AMZ1: variants seen among roughly 807,000 people sequenced by gnomAD.
The protein encoded by AMZ1 is archaemetzincin-1.
A neutral mutation model predicts 29.9 loss-of-function variants in AMZ1; 39 were observed. The ratio of observed to expected loss-of-function variants is 1.30; its 90% CI spans 1.01 to 1.70. AMZ1 has a LOEUF of 1.70. AMZ1 is among the 40% of genes most tolerant of loss of function. The pLI, the probability that AMZ1 is intolerant of heterozygous loss-of-function variation, is 0.00. For synonymous variants in AMZ1, 458 were observed against 304.0 expected, an observed-to-expected ratio of 1.51 and a Z score of -5.27; for missense variants, 1,041 against 680.6, an observed-to-expected ratio of 1.53 and a Z score of -5.89.
intron 4 of AMZ1, among the ~76,000 whole-genome samples, chr7:2,748,926 G>T (rs1395828119): frequency 2.0e-5 from 3 of 152,154 alleles, no homozygotes; most frequent in Non-Finnish European, 4.4e-5. Context: ...ATCATCACTG[G>T]CCATCAGAGA....
chr7:2,725,569 C>T (rs548622467), intron 4 of AMZ1, among the ~76,000 whole-genome samples: 3 of 152,208 alleles, frequency 2.0e-5, no homozygotes, highest in Non-Finnish European at 4.4e-5. Context: ...GTCTCAGTGA[C>T]CTGAAGACTT....
chr7:2,692,741 C>A (rs1311160320), intron 1 of AMZ1, among the ~76,000 whole-genome samples: 1 of 152,144 alleles, frequency 6.6e-6, no homozygotes, highest in African/African-American at 2.4e-5. Flanking sequence ...GAGTACCCCA[C>A]CCCTTGGCCA....
intron 4 of AMZ1, among the ~76,000 whole-genome samples, chr7:2,753,408 G>T (rs537832489): frequency 6.1e-5 from 7 of 114,202 alleles, no homozygotes; most frequent in African/African-American, 2.2e-4. Context: ...AAAGTGCTGG[G>T]ATTACAGGTG....
rs28514648 is a variant in AMZ1, at chr7:2,700,870, C to T, written c.304+115C>T. The T allele has an allele frequency of 1.9e-3, 2,635 of 1,382,114 alleles. 40 individuals carry two copies. In the African/African-American group the frequency reaches 0.032, roughly 17 times the overall value. The allele number at this position is 1,382,114 out of a possible 1,614,324, so 85.6% of individuals were successfully genotyped here. A position where few individuals can be genotyped will look rare whatever the true frequency, so the allele number is the denominator to read the frequency against. On this transcript the variant is annotated intron_variant, in intron 2 of 6. Coordinates refer to ENST00000683327, the MANE Select transcript of AMZ1 (RefSeq NM_001384743.1). ...AGGACTGAAATGAGGGAAGAGGGTC[C>T]TGGGTGTATGGGATGCCAGGGTGGA...
At chr7:2,756,741 G>C (rs573238773) in intron 4 of AMZ1, among the ~76,000 whole-genome samples, 1 of 152,314 alleles carries the variant, frequency 6.6e-6, no homozygotes, top group South Asian at 2.1e-4. Flanking sequence ...GAGTGTGGAA[G>C]GGACCTGAGA....
chr7:2,742,378 C>A (rs1790551714), intron 4 of AMZ1, among the ~76,000 whole-genome samples: 1 of 152,138 alleles, frequency 6.6e-6, no homozygotes, highest in East Asian at 1.9e-4. Flanking sequence ...TGCGATGTCT[C>A]CAGTGTTTAA....
At position 2,700,117 on chromosome 7, in the gene AMZ1, C is replaced by A. The variant is rs115636803; in HGVS notation, c.-218-117C>A. ...GGAGGGGCCAGGGCTCCCTCTGACA[C>A]CCTCGTCCTCTGCAGAGCTTCTCCC... On this transcript the variant is annotated intron_variant, in intron 1 of 6. Transcript: ENST00000683327. 1,204 of 335,910 alleles carry A rather than the reference C, an allele frequency of 3.6e-3. 16 individuals are homozygous for A. Among genetic ancestry groups the A allele is most frequent in the African/African-American group, 0.023 (1,122 of 48,570 alleles). The allele number at this position is 335,910 out of a possible 1,614,324, so 20.8% of individuals were successfully genotyped here. A position where few individuals can be genotyped will look rare whatever the true frequency, so the allele number is the denominator to read the frequency against.
rs1017086503 is a variant in AMZ1, at chr7:2,740,581, C to A, written n.551-24131C>A. Among the ~76,000 whole-genome samples the A allele has an allele frequency of 2.6e-5, 4 of 152,114 alleles. No individual in the cohort carries two copies. In the East Asian group the frequency reaches 5.8e-4, roughly 22 times the overall value. On this transcript the variant is annotated intron_variant and non_coding_transcript_variant, in intron 4 of 4. Coordinates refer to the AMZ1 transcript ENST00000489665. ...AGTATTTTGTTATGGCAGCTTGAGC[C>A]GACAAATATAATTATGAACTTGTGG...
chr7:2,723,633 C>T (rs3957478), downstream of AMZ1, among the ~76,000 whole-genome samples: 650 of 152,294 alleles, frequency 4.3e-3, 6 homozygotes, highest in African/African-American at 0.015. Context: ...GCCCCCTCGG[C>T]GCTCCCCAAG....
At chr7:2,748,947 A>T (rs925537922) in intron 4 of AMZ1, among the ~76,000 whole-genome samples, 1 of 152,244 alleles carries the variant, frequency 6.6e-6, no homozygotes, top group African/African-American at 2.4e-5. Context: ...AATGCAAATC[A>T]AAACCACAAT....
rs768481613 is a variant in AMZ1 at position 2,712,544 on chromosome 7, T to G, written c.1163T>G (p.Leu388Arg). 29 of 1,609,196 alleles carry G rather than the reference T, an allele frequency of 1.8e-5. 1 individual carries two copies. The Admixed American group carries it at 4.7e-4, about 26-fold the overall frequency. The change falls in exon 7 of 7, where the codon CTG (leucine) becomes CGG (arginine). Residue 388 changes from leucine (L) to arginine (R), a missense_variant. Leu to Arg is a moderately radical substitution (Grantham distance 102). Transcript: ENST00000683327. ...GGGCCAGAGGAAGGGCTGAGCTACC[T>G]GGCAGCCTCAGAGGCTCCGCTGCCA... ...ASGPEEGLSYLAASEAPLPPG... is the reference protein window; with the variant it reads ...ASGPEEGLSYRAASEAPLPPG...
chr7:2,741,837 A>G (rs1259089296), intron 4 of AMZ1, among the ~76,000 whole-genome samples: 2 of 150,928 alleles, frequency 1.3e-5, no homozygotes, highest in African/African-American at 4.9e-5. Flanking sequence ...CGCCGCAAGG[A>G]TAAGAGTATT....
At chr7:2,710,275 T>C (rs916874043) in intron 6 of AMZ1, among the ~76,000 whole-genome samples, 3 of 152,234 alleles carry the variant, frequency 2.0e-5, no homozygotes, top group Admixed American at 2.0e-4. Context: ...TAACTCCCTC[T>C]GTCGCCTGGG....
rs1024297895 is a variant in AMZ1, at chr7:2,718,662, C to T, written c.*5784C>T. 1.5e-4 allele frequency among the ~76,000 whole-genome samples: 23 copies of T among 152,194 alleles called. No homozygotes were observed. Among genetic ancestry groups the T allele is most frequent in the Non-Finnish European group, 2.6e-4 (18 of 68,040 alleles). ...CAGCAGAAGGCAGTGGACTCTTCAC[C>T]ATTTCTTCCAACACTTTCTCACGTA... On this transcript the variant is annotated 3_prime_UTR_variant, in exon 7 of 7. Coordinates refer to ENST00000683327, the MANE Select transcript of AMZ1 (RefSeq NM_001384743.1).
intron 3 of AMZ1, among the ~76,000 whole-genome samples, chr7:2,708,072 C>T (rs1341997099): frequency 6.6e-6 from 1 of 152,002 alleles, no homozygotes; most frequent in Non-Finnish European, 1.5e-5. Flanking sequence ...ATCTGCCCAT[C>T]TTGGCCTCCC....
chr7:2,700,489 G>A lies in AMZ1; in HGVS notation c.38G>A (p.Gly13Glu), dbSNP rs1787984744. The A allele has an allele frequency of 6.2e-7, 1 of 1,604,056 alleles. No individual in the cohort carries two copies. Among genetic ancestry groups the A allele is most frequent in the African/African-American group, 1.3e-5 (1 of 74,884 alleles). Residue 13 changes from glycine to glutamate, a missense_variant, in exon 2 of 7, where the codon GGG becomes GAG. Transcript: ENST00000683327. ...AGACCCGCACAGGAGTTCAGCTTCGGGCCCCGGGCCTTGAAGGACGCTCTG... is the reference window on the plus strand; with the variant it reads ...AGACCCGCACAGGAGTTCAGCTTCGAGCCCCGGGCCTTGAAGGACGCTCTG... ...QCRPAQEFSF[G>E]PRALKDALVS... is the part of the protein sequence containing the mutation.
At chr7:2,697,576 A>G (rs1787818688) in intron 1 of AMZ1, among the ~76,000 whole-genome samples, 1 of 151,912 alleles carries the variant, frequency 6.6e-6, no homozygotes, top group Non-Finnish European at 1.5e-5. Context: ...GGTGCGCGTC[A>G]CCATGCCCGG....
Position 2,708,586 on chromosome 7 carries a change from A to T in AMZ1, c.473-2A>T. On this transcript the variant is annotated splice_acceptor_variant, in intron 3 of 6. Transcript: ENST00000683327. LOFTEE classifies it high-confidence loss of function. ...CCCCATCCTCTGGCCCTCTCCCCGC[A>T]GACGGCATCCTGTCCTTCTTGAAGA... is the stretch of plus-strand genomic sequence containing the variant. 1 of 1,612,268 alleles carries T rather than the reference A, an allele frequency of 6.2e-7. No individual in the cohort carries two copies.
chr7:2,758,057 C>G (rs1488898027), intron 4 of AMZ1, among the ~76,000 whole-genome samples: 2 of 152,122 alleles, frequency 1.3e-5, no homozygotes, highest in African/African-American at 4.8e-5. Context: ...ATGAGTCACT[C>G]CCTAACTCAA....
Sources: gnomAD v4.1 joint callset for allele counts (sites outside exome capture counted in the v4.1 genomes callset) on GRCh38, gnomAD v4.1.1 for gene constraint, MANE v1.5 for transcripts, NCBI Gene and HGNC (gene_info 2026-07-23, HGNC 2026-07-21) for gene names.